SYT13: variants seen among roughly 807,000 people sequenced by gnomAD.
SYT13 encodes the protein synaptotagmin-13.
SYT13 carries 21 observed loss-of-function variants against 38.6 expected under a neutral mutation model. The ratio of observed to expected loss-of-function variants is 0.54; its 90% CI spans 0.39 to 0.78. SYT13 has a LOEUF of 0.78. SYT13 is among the 30% of genes least tolerant of loss of function. The pLI, the probability that SYT13 is intolerant of heterozygous loss-of-function variation, is 0.00. For missense variants in SYT13, 495 were observed against 548.7 expected (o/e 0.90, Z 0.98); for synonymous variants, 241 against 237.6 (o/e 1.01, Z -0.13).
chr11:45,243,254 G>C lies in SYT13; in HGVS notation c.*798C>G, dbSNP rs552208895. The C allele has an allele frequency of 3.9e-5, 6 of 152,278 alleles. No individual in the cohort carries two copies. The East Asian group carries it at 1.2e-3, about 29-fold the overall frequency. 9.4% of individuals were successfully genotyped at this position (152,278 alleles called of 1,614,324 possible). ...ACAAAATTCAGTCCAAGAGCAGGGG[G>C]CTTATGAAATGCACAAATTAAAGTA... is the stretch of plus-strand genomic sequence containing the variant. On this transcript the variant is annotated 3_prime_UTR_variant, in exon 6 of 6. Transcript: ENST00000020926.
At chr11:45,285,873 C>T (rs952345253) in intron 1 of SYT13, 152 bp downstream of exon 1, 18 of 594,958 alleles carry the variant, frequency 3.0e-5, no homozygotes, top group African/African-American at 1.6e-4. Context: ...CTTTTTGACT[C>T]CTTGACCTGT....
intron 1 of SYT13, among the ~76,000 whole-genome samples, chr11:45,261,776 G>A (rs1175495217): frequency 6.6e-6 from 1 of 151,334 alleles, no homozygotes; most frequent in Non-Finnish European, 1.5e-5. Context: ...ATCAGCCCGG[G>A]CTTTGTGGTG....
chr11:45,266,414 T>C (rs1854881795), intron 1 of SYT13, among the ~76,000 whole-genome samples: 1 of 152,136 alleles, frequency 6.6e-6, no homozygotes. Context: ...TATTAAAATG[T>C]TTTAAATTAC....
intron 4 of SYT13, among the ~76,000 whole-genome samples, chr11:45,251,417 C>T (rs1400459316): frequency 1.4e-5 from 2 of 142,850 alleles, no homozygotes; most frequent in Admixed American, 7.0e-5. Context: ...AAAATAGTGC[C>T]CTAATCAGTA....
At chr11:45,272,498 C>T (rs1240898701) in intron 1 of SYT13, among the ~76,000 whole-genome samples, 1 of 152,190 alleles carries the variant, frequency 6.6e-6, no homozygotes, top group Non-Finnish European at 1.5e-5. Flanking sequence ...GGTGCTGCTT[C>T]TAACATTCTT....
chr11:45,269,643 G>A (rs894819531), intron 1 of SYT13: 48 of 364,860 alleles, frequency 1.3e-4, no homozygotes, highest in Non-Finnish European at 2.1e-4. Context: ...TACAGAGGAG[G>A]AAACTGAGGC....
intron 1 of SYT13, among the ~76,000 whole-genome samples, chr11:45,261,027 C>T (rs141369460): frequency 4.3e-4 from 65 of 152,312 alleles, no homozygotes; most frequent in Middle Eastern, 3.4e-3. Flanking sequence ...GCAACAAAAA[C>T]CCAAACAACC....
intron 1 of SYT13, among the ~76,000 whole-genome samples, chr11:45,285,483 G>C (rs1855123411): frequency 6.6e-6 from 1 of 152,104 alleles, no homozygotes; most frequent in Non-Finnish European, 1.5e-5. Context: ...TAGCTTCCCA[G>C]CTCCTGCGGG....
chr11:45,278,124 T>C (rs1855031244), intron 1 of SYT13, among the ~76,000 whole-genome samples: 1 of 152,204 alleles, frequency 6.6e-6, no homozygotes, highest in Admixed American at 6.5e-5. Context: ...AGGGGACCCT[T>C]TGTGTGCACG....
At chr11:45,256,241 C>T (rs897628376) in intron 1 of SYT13, among the ~76,000 whole-genome samples, 5 of 152,176 alleles carry the variant, frequency 3.3e-5, no homozygotes, top group Non-Finnish European at 7.3e-5. Context: ...CCCTTCCTCC[C>T]TCCTCTTCTC....
intron 1 of SYT13, among the ~76,000 whole-genome samples, chr11:45,274,376 T>C (rs1854985391): frequency 6.6e-6 from 1 of 152,198 alleles, no homozygotes; most frequent in African/African-American, 2.4e-5. Flanking sequence ...ATCTGCTCCA[T>C]TTGTTAGTAA....
chr11:45,266,545 CTAA>C (rs1854884103), intron 1 of SYT13, among the ~76,000 whole-genome samples: 1 of 151,410 alleles, frequency 6.6e-6, no homozygotes, highest in African/African-American at 2.4e-5. Context: ...TACACACATC[CTAA>C]TGTCTGGACA....
chr11:45,278,314 T>C (rs1167775505), intron 1 of SYT13, among the ~76,000 whole-genome samples: 1 of 152,160 alleles, frequency 6.6e-6, no homozygotes, highest in Admixed American at 6.5e-5. Flanking sequence ...CTGCTGGTTA[T>C]TGGGAGATTG....
At chr11:45,251,703 A>AT (rs1348248590) in intron 4 of SYT13, among the ~76,000 whole-genome samples, 7 of 151,836 alleles carry the variant, frequency 4.6e-5, no homozygotes, top group Admixed American at 6.6e-5. Flanking sequence ...GGAAACAATG[A>AT]TTTTCTCCCC....
At chr11:45,274,725 C>T (rs896668384) in intron 1 of SYT13, among the ~76,000 whole-genome samples, 6 of 152,184 alleles carry the variant, frequency 3.9e-5, no homozygotes, top group African/African-American at 1.2e-4. Context: ...TCTTCAAACA[C>T]CATCTTTTCC....
Position 45,252,738 on chromosome 11 carries a change from A to C in SYT13, c.545-16T>G. On this transcript the variant is annotated splice_polypyrimidine_tract_variant and intron_variant, in intron 3 of 5. Coordinates refer to ENST00000020926, the MANE Select transcript of SYT13 (RefSeq NM_020826.3). This position sits in a 1 kb window ranked among gnomAD's most constrained non-coding sequence, Gnocchi z 4.3. The stretch of plus-strand genomic sequence containing the variant: ...CTGGTCACAGCTGCAGGCAAGGAGA[A>C]CAACACAGGCGTGGGACTTTCTGAG... 1 of 1,555,116 alleles carries C rather than the reference A, an allele frequency of 6.4e-7. No individual in the cohort carries two copies. Among genetic ancestry groups the C allele is most frequent in the Non-Finnish European group, 8.7e-7 (1 of 1,144,952 alleles).
rs1359156904 is a variant in SYT13, at chr11:45,243,867, A to G, written c.*185T>C. Reference sequence around the variant, plus strand: ...AAATGCATTCCTCAGTGTGACCCGCATATTCCATTTCCTGCTCTGTCTTGC... The same window carrying G: ...AAATGCATTCCTCAGTGTGACCCGCGTATTCCATTTCCTGCTCTGTCTTGC... On this transcript the variant is annotated 3_prime_UTR_variant, in exon 6 of 6. Coordinates refer to ENST00000020926, the MANE Select transcript of SYT13 (RefSeq NM_020826.3). 1 of 635,164 alleles carries G rather than the reference A, an allele frequency of 1.6e-6. No homozygotes were observed. Among genetic ancestry groups the G allele is most frequent in the Non-Finnish European group, 2.7e-6 (1 of 370,654 alleles). The allele number at this position is 635,164 out of a possible 1,614,324, so 39.3% of individuals were successfully genotyped here.
chr11:45,260,873 C>T (rs1386203258), intron 1 of SYT13, among the ~76,000 whole-genome samples: 1 of 152,186 alleles, frequency 6.6e-6, no homozygotes, highest in Non-Finnish European at 1.5e-5. Flanking sequence ...AACACAGGTC[C>T]TCACACTGGG....
intron 1 of SYT13, among the ~76,000 whole-genome samples, chr11:45,259,632 G>A (rs557149778): frequency 6.6e-6 from 1 of 152,226 alleles, no homozygotes; most frequent in South Asian, 2.1e-4. Context: ...ACAACACCAG[G>A]TTGTCTAGGT....
Sources: allele counts gnomAD v4.1 joint callset (sites outside exome capture counted in the v4.1 genomes callset), GRCh38; gene constraint gnomAD v4.1.1; non-coding constraint Gnocchi (gnomAD v3.1); transcripts MANE v1.5; gene names NCBI Gene and HGNC (gene_info 2026-07-23, HGNC 2026-07-21).